Variants in C12orf56 observed in about 807,000 individuals in gnomAD.
C12orf56 encodes uncharacterized protein C12orf56.
A neutral mutation model predicts 69.9 loss-of-function variants in C12orf56; 71 were observed. That is an observed-to-expected ratio of 1.02 (90% CI 0.84 to 1.24). The LOEUF is 1.24. Among genes scored for constraint, C12orf56 ranks in the 50% most tolerant of loss-of-function variants. C12orf56 has a pLI of 0.00. For synonymous variants in C12orf56, 276 were observed against 274.1 expected, an observed-to-expected ratio of 1.01 and a Z score of -0.07; for missense variants, 732 against 738.5, an observed-to-expected ratio of 0.99 and a Z score of 0.10.
chr12:64,309,113 T>A (rs947497781), intron 5 of C12orf56, among the ~76,000 whole-genome samples: 2 of 152,210 alleles, frequency 1.3e-5, no homozygotes, highest in Non-Finnish European at 1.5e-5. Context: ...ATATACTTTT[T>A]AAAAAAATTG....
At chr12:64,353,194 G>T in intron 1 of C12orf56, 138 bp from the exon 2 acceptor site, 1 of 777,608 alleles carries the variant, frequency 1.3e-6, no homozygotes, top group Non-Finnish European at 2.0e-6. Flanking sequence ...GTCTCACCCT[G>T]ACACCCAGGC....
At chr12:64,275,075 A>C in intron 10 of C12orf56, 100 bp from the exon 11 acceptor site, 1 of 1,155,310 alleles carries the variant, frequency 8.7e-7, no homozygotes, top group Non-Finnish European at 1.2e-6. Context: ...GATTAATCGA[A>C]TCCTTAAAAT....
chr12:64,303,808 TAA>T, intron 5 of C12orf56, 29 bp from the exon 6 acceptor site: 1 of 1,552,686 alleles, frequency 6.4e-7, no homozygotes, highest in Non-Finnish European at 8.6e-7. Context: ...ATTTTCCACT[TAA>T]AAAAATGGTA....
At chr12:64,374,028 TG>T (rs1482951208) in intron 1 of C12orf56, among the ~76,000 whole-genome samples, 4 of 152,154 alleles carry the variant, frequency 2.6e-5, no homozygotes, top group Non-Finnish European at 4.4e-5. Context: ...CTCCACCAGG[TG>T]GTCTTTTTTT....
chr12:64,328,679 C>CA lies in C12orf56; in HGVS notation c.488+2280dup, dbSNP rs59688148. Among the ~76,000 whole-genome samples the CA allele has an allele frequency of 6.7e-4, 39 of 57,918 alleles. 3 individuals carry two copies. The highest frequency in any genetic ancestry group is 1.1e-3 in the Non-Finnish European group (34 of 31,806). 38.0% of individuals were successfully genotyped at this position (57,918 alleles called of 152,430 possible). ...TGGGCGACAGTGCAAGACTCCATCTCAAAAAAAAAAAAAAAAAAAAAAAAA... is the reference window on the plus strand; with the variant it reads ...TGGGCGACAGTGCAAGACTCCATCTCAAAAAAAAAAAAAAAAAAAAAAAAAA... On this transcript the variant is annotated intron_variant, in intron 3 of 12. Coordinates refer to ENST00000543942, the MANE Select transcript of C12orf56 (RefSeq NM_001170633.2).
At chr12:64,333,935 G>A (rs1441965139) in intron 2 of C12orf56, among the ~76,000 whole-genome samples, 3 of 152,174 alleles carry the variant, frequency 2.0e-5, no homozygotes, top group Non-Finnish European at 4.4e-5. Context: ...GGACACCAAG[G>A]ACCAGAGTCT....
chr12:64,366,867 CATACAGTTTATATATATTATATAACAT>C (rs2039491928), intron 1 of C12orf56, among the ~76,000 whole-genome samples: 1 of 124,742 alleles, frequency 8.0e-6, no homozygotes, highest in African/African-American at 3.1e-5. Flanking sequence ...TATTATATAA[CATACAGTTTATATATATTATATAACAT>C]ACAGTTTATA....
At chr12:64,323,458 C>T (rs1030778138) in intron 3 of C12orf56, among the ~76,000 whole-genome samples, 42 of 152,168 alleles carry the variant, frequency 2.8e-4, no homozygotes, top group African/African-American at 7.0e-4. Context: ...CATGAGTTGA[C>T]GCAGTAATTC....
At chr12:64,370,570 G>C (rs2039557209) in intron 1 of C12orf56, among the ~76,000 whole-genome samples, 1 of 152,024 alleles carries the variant, frequency 6.6e-6, no homozygotes, top group Non-Finnish European at 1.5e-5. Context: ...AGAATCGCTT[G>C]AGCCCAGGAG....
At chr12:64,364,573 A>G (rs994204621) in intron 1 of C12orf56, among the ~76,000 whole-genome samples, 1 of 152,028 alleles carries the variant, frequency 6.6e-6, no homozygotes, top group Non-Finnish European at 1.5e-5. Flanking sequence ...CACTTTGTAC[A>G]TGTTGTCGCA....
chr12:64,279,693 A>C (rs1185981861), intron 8 of C12orf56, among the ~76,000 whole-genome samples: 1 of 152,200 alleles, frequency 6.6e-6, no homozygotes, highest in African/African-American at 2.4e-5. Flanking sequence ...GTCAAAAAGC[A>C]AGTCTAGTTC....
intron 8 of C12orf56, among the ~76,000 whole-genome samples, chr12:64,284,362 G>A (rs779698962): frequency 2.6e-5 from 4 of 152,338 alleles, no homozygotes; most frequent in Non-Finnish European, 5.9e-5. Context: ...TTCTGGCGGA[G>A]ATCCCCCGGC....
intron 1 of C12orf56, among the ~76,000 whole-genome samples, chr12:64,363,180 C>T (rs2039420359): frequency 6.6e-6 from 1 of 152,170 alleles, no homozygotes; most frequent in South Asian, 2.1e-4. Flanking sequence ...TCTGACAGTG[C>T]TGAATGTATA....
chr12:64,385,297 C>G (rs962086022), intron 1 of C12orf56, among the ~76,000 whole-genome samples: 9 of 152,186 alleles, frequency 5.9e-5, no homozygotes, highest in African/African-American at 2.2e-4. Context: ...CTCACTTGTA[C>G]CCTTCTTCAA....
chr12:64,293,005 C>G (rs113868950), intron 6 of C12orf56, among the ~76,000 whole-genome samples: 1 of 151,336 alleles, frequency 6.6e-6, no homozygotes, highest in Admixed American at 6.6e-5. Flanking sequence ...ATCAGCGAGA[C>G]TCCGTGGGCG....
intron 1 of C12orf56, among the ~76,000 whole-genome samples, chr12:64,371,089 C>T (rs1461197850): frequency 6.6e-6 from 1 of 152,104 alleles, no homozygotes; most frequent in African/African-American, 2.4e-5. Context: ...CAAAAATACA[C>T]AACAAGGATA....
intron 2 of C12orf56, among the ~76,000 whole-genome samples, chr12:64,344,344 C>G (rs1348258880): frequency 2.0e-5 from 3 of 152,156 alleles, no homozygotes; most frequent in Admixed American, 1.3e-4. Context: ...CCTCTGTTTT[C>G]ATAATTCAAA....
intron 1 of C12orf56, among the ~76,000 whole-genome samples, chr12:64,380,367 C>T (rs1326386861): frequency 6.6e-6 from 1 of 152,014 alleles, no homozygotes; most frequent in Non-Finnish European, 1.5e-5. Flanking sequence ...AAGAGATAAG[C>T]TATATGATAG....
At position 64,266,981 on chromosome 12, in the gene C12orf56, A is replaced by G. The variant is rs1480061869; in HGVS notation, c.*202T>C. ...CCCAATGGCATAAAGATCTTTGCAC[A>G]CTTATAATAAATCAAATTTATTTTT... On this transcript the variant is annotated 3_prime_UTR_variant, in exon 13 of 13. Coordinates refer to ENST00000543942, the MANE Select transcript of C12orf56 (RefSeq NM_001170633.2). 2.0e-6 allele frequency: 1 copy of G among 491,854 alleles called. No homozygotes were observed. Among genetic ancestry groups the G allele is most frequent in the Non-Finnish European group, 3.5e-6 (1 of 285,612 alleles). The allele number at this position is 491,854 out of a possible 1,614,324, so 30.5% of individuals were successfully genotyped here. A position where few individuals can be genotyped will look rare whatever the true frequency, so the allele number is the denominator to read the frequency against.
Sources: gnomAD v4.1 joint callset for allele counts (sites outside exome capture counted in the v4.1 genomes callset) on GRCh38, gnomAD v4.1.1 for gene constraint, MANE v1.5 for transcripts, NCBI Gene and HGNC (gene_info 2026-07-23, HGNC 2026-07-21) for gene names.